RBMS3: variants seen among roughly 807,000 people sequenced by gnomAD.
The protein encoded by RBMS3 is RNA binding motif single stranded interacting protein 3, also known as RNA-binding motif, single-stranded-interacting protein 3.
A neutral mutation model predicts 66.8 loss-of-function variants in RBMS3; 27 were observed. The observed-to-expected ratio is 0.40, with a 90% CI of 0.30 to 0.56. The LOEUF (loss-of-function observed/expected upper bound fraction) is 0.56, where lower values mean the gene tolerates loss of function less well. RBMS3 is among the 20% of genes least tolerant of loss of function. The pLI is 0.40. For missense variants in RBMS3, 513 were observed against 549.5 expected (o/e 0.93, Z 0.66); for synonymous variants, 188 against 183.0 (o/e 1.03, Z -0.22).
At chr3:29,872,999 C>A (rs1455395022) in intron 7 of RBMS3, among the ~76,000 whole-genome samples, 1 of 151,948 alleles carries the variant, frequency 6.6e-6, no homozygotes, top group East Asian at 1.9e-4. Context: ...TACTATAGCC[C>A]CGTGGTATAG....
intron 4 of RBMS3, among the ~76,000 whole-genome samples, chr3:29,713,220 A>T (rs758850627): frequency 1.8e-4 from 27 of 152,066 alleles, no homozygotes; most frequent in Admixed American, 2.0e-4. Context: ...CCCATTAATG[A>T]TCACTTCCAT....
intron 4 of RBMS3, among the ~76,000 whole-genome samples, chr3:29,686,786 G>A (rs1156296181): frequency 1.3e-5 from 2 of 152,030 alleles, no homozygotes; most frequent in South Asian, 2.1e-4. Context: ...CTTTATCTTG[G>A]TACATATAAA....
At chr3:29,813,315 C>T (rs760515597) in intron 6 of RBMS3, among the ~76,000 whole-genome samples, 1 of 151,964 alleles carries the variant, frequency 6.6e-6, no homozygotes, top group East Asian at 1.9e-4. Context: ...AATAGCATTT[C>T]CATAAGATTC....
intron 3 of RBMS3, among the ~76,000 whole-genome samples, chr3:29,530,733 G>A (rs59255444): frequency 1.2e-3 from 189 of 151,256 alleles, no homozygotes; most frequent in African/African-American, 3.8e-3. Context: ...TTAGATGGGC[G>A]TGGTGGCGGC....
intron 5 of RBMS3, among the ~76,000 whole-genome samples, chr3:29,741,546 G>A (rs1055682402): frequency 6.6e-6 from 1 of 152,078 alleles, no homozygotes; most frequent in African/African-American, 2.4e-5. Flanking sequence ...CAATAAATTA[G>A]TTTCTCCTTC....
At chr3:29,933,583 A>C (rs2061187104) in intron 10 of RBMS3, among the ~76,000 whole-genome samples, 3 of 152,264 alleles carry the variant, frequency 2.0e-5, no homozygotes, top group South Asian at 4.1e-4. Context: ...GTTTTCACTG[A>C]ATGTTTTTAT....
At chr3:29,282,516 G>T (rs1280972487) in intron 1 of RBMS3, among the ~76,000 whole-genome samples, 1 of 152,058 alleles carries the variant, frequency 6.6e-6, no homozygotes, top group African/African-American at 2.4e-5. Context: ...GGGGCCCAGA[G>T]GCAAGCCCAC....
At chr3:29,557,338 T>A (rs183863637) in intron 3 of RBMS3, among the ~76,000 whole-genome samples, 2 of 152,256 alleles carry the variant, frequency 1.3e-5, no homozygotes, top group Admixed American at 1.3e-4. Flanking sequence ...GTGTATGTTG[T>A]TTTTCAAGGT....
chr3:29,426,021 G>A (rs78042456), intron 1 of RBMS3, among the ~76,000 whole-genome samples: 8,374 of 152,204 alleles, frequency 0.055, 293 homozygotes, highest in Non-Finnish European at 0.085. Flanking sequence ...AGCTAACACT[G>A]TAATCTCCAG....
chr3:30,004,600 G>T lies in RBMS3; in HGVS notation c.*738G>T, dbSNP rs917706946. 1.3e-5 allele frequency: 2 copies of T among 152,192 alleles called. No homozygotes were observed. The highest frequency in any genetic ancestry group is 3.0e-5 in the Non-Finnish European group (2 of 67,788). The allele number at this position is 152,192 out of a possible 1,614,324, so 9.4% of individuals were successfully genotyped here. A position where few individuals can be genotyped will look rare whatever the true frequency, so the allele number is the denominator to read the frequency against. On this transcript the variant is annotated 3_prime_UTR_variant, in exon 15 of 15. Transcript: ENST00000383767. ...AATTTGTTGATAAACCATGGCAACT[G>T]CAAGAATTGGAAAAATGCTGGGACT...
At chr3:29,928,319 T>C (rs1369709918) in intron 10 of RBMS3, among the ~76,000 whole-genome samples, 1 of 148,320 alleles carries the variant, frequency 6.7e-6, no homozygotes, top group Non-Finnish European at 1.5e-5. Context: ...TCAAATATAA[T>C]TTTTTATTAT....
intron 6 of RBMS3, among the ~76,000 whole-genome samples, chr3:29,792,627 A>G (rs181775253): frequency 3.3e-5 from 5 of 152,322 alleles, no homozygotes; most frequent in African/African-American, 9.6e-5. Flanking sequence ...CATCTATATA[A>G]TAAGAACAAT....
At chr3:29,567,749 G>A (rs1412678166) in intron 3 of RBMS3, among the ~76,000 whole-genome samples, 1 of 151,722 alleles carries the variant, frequency 6.6e-6, no homozygotes, top group African/African-American at 2.4e-5. Context: ...GCCTCTCTCT[G>A]TGCAATTTTT....
chr3:29,323,126 G>A (rs1285452875), intron 1 of RBMS3, among the ~76,000 whole-genome samples: 1 of 152,174 alleles, frequency 6.6e-6, no homozygotes, highest in Non-Finnish European at 1.5e-5. Context: ...CAGACACATT[G>A]TCACTGGTGT....
chr3:29,440,168 C>T (rs770253868), intron 2 of RBMS3, among the ~76,000 whole-genome samples: 19 of 152,104 alleles, frequency 1.2e-4, no homozygotes, highest in Non-Finnish European at 1.9e-4. Context: ...TAAAATCAAA[C>T]GTGCATCATA....
chr3:30,002,554 C>T (rs1443827757), intron 14 of RBMS3, among the ~76,000 whole-genome samples: 1 of 151,916 alleles, frequency 6.6e-6, no homozygotes, highest in Non-Finnish European at 1.5e-5. Flanking sequence ...AAAATTTTTT[C>T]TTATTGTTGC....
At chr3:29,661,745 G>T (rs2888127) in intron 4 of RBMS3, among the ~76,000 whole-genome samples, 8,857 of 152,124 alleles carry the variant, frequency 0.058, 358 homozygotes, top group Admixed American at 0.1. Context: ...AAGCCAAGAC[G>T]TGGTACATGA....
intron 6 of RBMS3, among the ~76,000 whole-genome samples, chr3:29,802,654 A>G (rs1258037598): frequency 6.6e-6 from 1 of 152,226 alleles, no homozygotes; most frequent in Non-Finnish European, 1.5e-5. Context: ...TGCCCTATTT[A>G]TAACATGCTA....
intron 2 of RBMS3, among the ~76,000 whole-genome samples, chr3:29,437,318 A>G (rs1015478724): frequency 2.0e-5 from 3 of 152,252 alleles, no homozygotes; most frequent in African/African-American, 7.2e-5. Context: ...GTCAATATCC[A>G]TTTCTGCATA....
Sources: allele counts gnomAD v4.1 joint callset (sites outside exome capture counted in the v4.1 genomes callset), GRCh38; gene constraint gnomAD v4.1.1; transcripts MANE v1.5; gene names NCBI Gene and HGNC (gene_info 2026-07-23, HGNC 2026-07-21).